MTMR14: variants seen among roughly 807,000 people sequenced by gnomAD.
MTMR14 encodes phosphatidylinositol-3,5-bisphosphate 3-phosphatase MTMR14.
A neutral mutation model predicts 86.3 loss-of-function variants in MTMR14; 48 were observed. The ratio of observed to expected loss-of-function variants is 0.56; its 90% CI spans 0.44 to 0.71. The LOEUF (loss-of-function observed/expected upper bound fraction) is 0.71. Ranked by LOEUF, MTMR14 falls within the 30% of genes least tolerant of loss-of-function variation. MTMR14 has a pLI of 0.00. For synonymous variants in MTMR14, 366 were observed against 326.1 expected, an observed-to-expected ratio of 1.12 and a Z score of -1.32; for missense variants, 780 against 834.6, an observed-to-expected ratio of 0.93 and a Z score of 0.81.
chr3:9,661,718 T>C (rs2047944329), intron 2 of MTMR14, among the ~76,000 whole-genome samples: 1 of 152,148 alleles, frequency 6.6e-6, no homozygotes, highest in Non-Finnish European at 1.5e-5. Flanking sequence ...GTCTTCAGTT[T>C]AGCTCACTTT....
chr3:9,662,483 G>A (rs1356838037), intron 3 of MTMR14, 108 bp downstream of exon 3: 1 of 873,556 alleles, frequency 1.1e-6, no homozygotes, highest in Non-Finnish European at 1.9e-6. Flanking sequence ...CCAAGCATTG[G>A]GTGGTTACTG....
At position 9,677,937 on chromosome 3, in the gene MTMR14, T is replaced by C. The variant is rs763019805; in HGVS notation, c.823-47T>C. ...TGCAAGCTTCCCCATCACCTAAGCC[T>C]CCTCTGGTGGCCAACCCACATCTCA... On this transcript the variant is annotated intron_variant, in intron 8 of 18. Coordinates refer to ENST00000296003, the MANE Select transcript of MTMR14 (RefSeq NM_001077525.3). This position sits in a 1 kb window ranked among gnomAD's most constrained non-coding sequence, Gnocchi z 4.2. 2.5e-6 allele frequency: 4 copies of C among 1,591,110 alleles called. No homozygotes were observed. In the South Asian group the frequency reaches 4.4e-5, roughly 18 times the overall value.
intron 9 of MTMR14, among the ~76,000 whole-genome samples, 187 bp downstream of exon 9, chr3:9,678,245 C>T (rs191996140): frequency 1.3e-5 from 2 of 152,338 alleles, no homozygotes; most frequent in East Asian, 3.9e-4. Flanking sequence ...TCCTGATTTG[C>T]TCATGTCCCA....
rs937682199 is a variant in MTMR14, at chr3:9,697,883, A to G, written c.1769+17A>G. 1.9e-6 allele frequency: 3 copies of G among 1,613,798 alleles called. No homozygotes were observed. The highest frequency in any genetic ancestry group is 2.5e-6 in the Non-Finnish European group (3 of 1,180,026). On this transcript the variant is annotated intron_variant, in intron 18 of 18. Transcript: ENST00000296003. The stretch of plus-strand genomic sequence containing the variant: ...CAGTTGTCTGTAAGTGTCTTGCTTG[A>G]GAAGGCAGGATGCTCCCCTGCCCAT...
rs1203212746 is a variant in MTMR14 at position 9,701,575 on chromosome 3, G to GAACAGTAGCC, written c.1770-214_1770-205dup. 1.6e-6 allele frequency: 1 copy of GAACAGTAGCC among 627,086 alleles called. No homozygotes were observed. Among genetic ancestry groups the GAACAGTAGCC allele is most frequent in the East Asian group, 2.8e-5 (1 of 36,220 alleles). 38.8% of individuals were successfully genotyped at this position (627,086 alleles called of 1,614,324 possible). On this transcript the variant is annotated intron_variant, in intron 18 of 18. Transcript: ENST00000296003. The surrounding 1 kb of genome is among the most constrained non-coding windows in gnomAD (Gnocchi z 4.2). ...CAGTAAAAGCTCCTGCTCTAGGTGG[G>GAACAGTAGCC]AACAGTAGCCTGAGGGCTTAGAGGA...
intron 13 of MTMR14, among the ~76,000 whole-genome samples, chr3:9,685,477 C>A (rs571559145): frequency 6.6e-6 from 1 of 152,166 alleles, no homozygotes. Context: ...GCCCACACGT[C>A]GGGGTGAGCA....
intron 18 of MTMR14, among the ~76,000 whole-genome samples, chr3:9,698,460 C>G (rs763090130): frequency 1.2e-4 from 19 of 152,250 alleles, no homozygotes; most frequent in Admixed American, 2.6e-4. Context: ...CTGGCCTGTT[C>G]TGCCGCTTCA....
intron 16 of MTMR14, among the ~76,000 whole-genome samples, chr3:9,689,374 A>T (rs989073899): frequency 2.0e-5 from 3 of 152,150 alleles, no homozygotes; most frequent in African/African-American, 7.2e-5. Context: ...GAGGAGCTCC[A>T]TTTTATCATT....
intron 17 of MTMR14, 66 bp from the exon 18 acceptor site, chr3:9,697,645 C>T (rs9855484): frequency 0.022 from 34,363 of 1,576,444 alleles, 504 homozygotes; most frequent in African/African-American, 0.064. Context: ...CCCTAGCCCC[C>T]TCCAGAGCCT....
chr3:9,650,270 C>T (rs2047203069), intron 1 of MTMR14: 2 of 456,010 alleles, frequency 4.4e-6, no homozygotes, highest in South Asian at 1.6e-5. Context: ...CCTTTCAGTT[C>T]CTTTATCTAA....
At chr3:9,697,184 C>G (rs2076306266) in intron 17 of MTMR14, among the ~76,000 whole-genome samples, 1 of 152,178 alleles carries the variant, frequency 6.6e-6, no homozygotes, top group African/African-American at 2.4e-5. Context: ...CCTCAGGGCT[C>G]CCATTCCATC....
rs2075826950 is a variant in MTMR14, at chr3:9,683,200, C to T, written c.920C>T (p.Thr307Ile). The T allele has an allele frequency of 1.2e-6, 2 of 1,614,084 alleles. No homozygotes were observed. Among genetic ancestry groups the T allele is most frequent in the South Asian group, 1.1e-5 (1 of 91,094 alleles). The change falls in exon 10 of 19, where the codon ACA (threonine) becomes ATA (isoleucine). Residue 307 changes from threonine (T) to isoleucine (I), a missense_variant. Physicochemically the swap from Thr to Ile is moderately conservative, Grantham distance 89 (BLOSUM62 -1). Transcript: ENST00000296003. Reference protein sequence around the residue: ...QYQCWDLVQQTQNYLKLLLSL... With the variant: ...QYQCWDLVQQIQNYLKLLLSL... Reference sequence around the variant, plus strand: ...CAGTGTTGGGATCTGGTGCAACAAACACAAAACTACCTGAAGCTGCTGCTT... The same window carrying T: ...CAGTGTTGGGATCTGGTGCAACAAATACAAAACTACCTGAAGCTGCTGCTT...
rs370895091 is a variant in MTMR14 at position 9,697,814 on chromosome 3, A to G, written c.1717A>G (p.Thr573Ala). Residue 573 changes from threonine to alanine, a missense_variant, in exon 18 of 19, where the codon ACA becomes GCA. Transcript: ENST00000296003. ...TATTCAGGAGCGGGCTGTCCTGCAC[A>G]CAGACTCCTCTCTCCCTTTCAGCTT... Reference protein sequence around the residue: ...GSIQERAVLHTDSSLPFSFPD... With the variant: ...GSIQERAVLHADSSLPFSFPD... 7 of 1,614,056 alleles carry G rather than the reference A, an allele frequency of 4.3e-6. No individual in the cohort carries two copies. The highest frequency in any genetic ancestry group is 1.7e-5 in the Admixed American group (1 of 59,986).
At chr3:9,700,448 G>T (rs2076419447) in intron 18 of MTMR14, 1 of 152,162 alleles carries the variant, frequency 6.6e-6, no homozygotes, top group Non-Finnish European at 1.5e-5. Flanking sequence ...TCTATTAAAG[G>T]CCCTTGGGGA....
intron 2 of MTMR14, among the ~76,000 whole-genome samples, chr3:9,655,608 C>T (rs1317462367): frequency 6.6e-6 from 1 of 150,466 alleles, no homozygotes; most frequent in African/African-American, 2.4e-5. Context: ...TTACAGGCGC[C>T]CGCCACCACG....
chr3:9,686,266 T>C (rs767357018), intron 13 of MTMR14, among the ~76,000 whole-genome samples: 6 of 152,244 alleles, frequency 3.9e-5, no homozygotes, highest in Non-Finnish European at 7.3e-5. Flanking sequence ...TTGAAATCAG[T>C]GCTTCAAGAA....
chr3:9,686,337 T>C (rs546662199), intron 13 of MTMR14, among the ~76,000 whole-genome samples: 1 of 152,306 alleles, frequency 6.6e-6, no homozygotes, highest in Admixed American at 6.5e-5. Flanking sequence ...CTACCCTCCC[T>C]GTAGTCTCCC....
chr3:9,684,356 A>G (rs2075866336), intron 10 of MTMR14, among the ~76,000 whole-genome samples: 1 of 152,174 alleles, frequency 6.6e-6, no homozygotes, highest in Non-Finnish European at 1.5e-5. Context: ...TGTCCCCAGA[A>G]GTACACTGAG....
intron 17 of MTMR14, 68 bp from the exon 18 acceptor site, chr3:9,697,643 C>A: frequency 6.4e-7 from 1 of 1,569,134 alleles, no homozygotes; most frequent in Non-Finnish European, 8.7e-7. Flanking sequence ...TCCCCTAGCC[C>A]CCTCCAGAGC....
Sources: gnomAD v4.1 joint callset for allele counts (sites outside exome capture counted in the v4.1 genomes callset) on GRCh38, gnomAD v4.1.1 for gene constraint, Gnocchi (gnomAD v3.1) non-coding constraint, MANE v1.5 for transcripts, NCBI Gene and HGNC (gene_info 2026-07-23, HGNC 2026-07-21) for gene names.